PARPBP: variants seen among roughly 807,000 people sequenced by gnomAD.
PARPBP encodes PCNA-interacting partner.
Under a neutral mutation model 50.0 loss-of-function variants are expected in PARPBP, and 52 were observed. The observed-to-expected ratio is 1.04, with a 90% CI of 0.83 to 1.31. The LOEUF (loss-of-function observed/expected upper bound fraction) is 1.31, where lower values mean the gene tolerates loss of function less well. Among genes scored for constraint, PARPBP ranks in the 50% most tolerant of loss-of-function variants. The pLI is 0.00. For synonymous variants in PARPBP, 244 were observed against 232.1 expected, an observed-to-expected ratio of 1.05 and a Z score of -0.47; for missense variants, 697 against 672.0, an observed-to-expected ratio of 1.04 and a Z score of -0.41.
intron 2 of PARPBP, among the ~76,000 whole-genome samples, chr12:102,137,839 C>A (rs921360909): frequency 1.3e-5 from 2 of 152,090 alleles, no homozygotes; most frequent in Non-Finnish European, 2.9e-5. Context: ...TGAACTCATC[C>A]TTTTTTATGG....
At chr12:102,157,627 G>A (rs1295379874) in intron 4 of PARPBP, among the ~76,000 whole-genome samples, 1 of 151,838 alleles carries the variant, frequency 6.6e-6, no homozygotes, top group Non-Finnish European at 1.5e-5. Context: ...ATATCTTATT[G>A]GGAAACAAAC....
intron 4 of PARPBP, among the ~76,000 whole-genome samples, chr12:102,161,216 G>A (rs371968080): frequency 3.4e-4 from 52 of 151,800 alleles, no homozygotes; most frequent in African/African-American, 1.0e-3. Context: ...AGTGATTCTT[G>A]TGCCACAGCC....
At chr12:102,137,782 G>T (rs1883882587) in intron 2 of PARPBP, among the ~76,000 whole-genome samples, 1 of 151,782 alleles carries the variant, frequency 6.6e-6, no homozygotes, top group Non-Finnish European at 1.5e-5. Context: ...GAGATAGTTT[G>T]CTCGGAATGA....
Position 102,136,746 on chromosome 12 carries a change from A to G in PARPBP, c.154-11484A>G, listed in dbSNP as rs560859005. ...GTTTTATTTCAACTTTCCACATAAG[A>G]GTTAGCTTAGGCATCCTCAACTGTG... On this transcript the variant is annotated intron_variant, in intron 2 of 10. Transcript: ENST00000327680. Among the ~76,000 whole-genome samples the G allele has an allele frequency of 1.2e-4, 19 of 152,274 alleles. No homozygotes were observed. The South Asian group carries it at 2.7e-3, about 22-fold the overall frequency.
At chr12:102,151,095 A>C (rs150820882) in intron 3 of PARPBP, among the ~76,000 whole-genome samples, 18 of 140,476 alleles carry the variant, frequency 1.3e-4, no homozygotes, top group African/African-American at 5.0e-4. Flanking sequence ...TCCAGCAGCC[A>C]GAGAAGGATG....
intron 4 of PARPBP, among the ~76,000 whole-genome samples, chr12:102,155,596 G>A (rs372363492): frequency 1.0e-5 from 1 of 96,882 alleles, no homozygotes; most frequent in Non-Finnish European, 2.0e-5. Flanking sequence ...GAGCATGGTG[G>A]GGGGGGGGGG....
rs557256481 is a variant in PARPBP, at chr12:102,188,972, T to C, written c.1264-6340T>C. ...GGTAAGTGGACTTGAAGATGGAGCA[T>C]TAAAAAAATCTCCAAACTGGAGAGA... On this transcript the variant is annotated intron_variant, in intron 9 of 10. Coordinates refer to ENST00000327680, the MANE Select transcript of PARPBP (RefSeq NM_017915.5). Among the ~76,000 whole-genome samples the C allele has an allele frequency of 1.3e-4, 19 of 151,644 alleles. No individual in the cohort carries two copies. In the South Asian group the frequency reaches 1.5e-3, roughly 12 times the overall value.
intron 5 of PARPBP, 102 bp downstream of exon 5, chr12:102,164,710 T>G (rs1323295671): frequency 4.4e-6 from 4 of 904,884 alleles, no homozygotes; most frequent in East Asian, 4.9e-5. Flanking sequence ...AAGTGGTTAA[T>G]TTATGTTCTA....
intron 2 of PARPBP, among the ~76,000 whole-genome samples, chr12:102,132,426 G>A (rs924498991): frequency 6.6e-6 from 1 of 152,048 alleles, no homozygotes; most frequent in African/African-American, 2.4e-5. Context: ...TTCCCCATTA[G>A]GTGTTTTTTG....
chr12:102,180,939 C>T (rs1313497005), intron 8 of PARPBP, among the ~76,000 whole-genome samples: 1 of 152,092 alleles, frequency 6.6e-6, no homozygotes, highest in Non-Finnish European at 1.5e-5. Context: ...TTTATTCTTG[C>T]TTAGTAGTCA....
At chr12:102,165,667 TGAAGTAAA>T in intron 5 of PARPBP, 54 bp from the exon 6 acceptor site, 1 of 1,261,786 alleles carries the variant, frequency 7.9e-7, no homozygotes, top group Non-Finnish European at 1.1e-6. Context: ...CTTAGCTTTA[TGAAGTAAA>T]TTACAGTTTA....
At chr12:102,165,013 G>A (rs1177625940) in intron 5 of PARPBP, among the ~76,000 whole-genome samples, 1 of 152,144 alleles carries the variant, frequency 6.6e-6, no homozygotes, top group Non-Finnish European at 1.5e-5. Flanking sequence ...AAATCTGCTT[G>A]TAGCAAATTA....
At chr12:102,154,053 T>C (rs1886566054) in intron 4 of PARPBP, 77 bp downstream of exon 4, 1 of 856,078 alleles carries the variant, frequency 1.2e-6, no homozygotes, top group South Asian at 1.6e-5. Context: ...ACCTTAAAGT[T>C]ACTAATGCTT....
At chr12:102,154,066 T>TA in intron 4 of PARPBP, 90 bp downstream of exon 4, 2 of 748,798 alleles carry the variant, frequency 2.7e-6, no homozygotes, top group Non-Finnish European at 4.5e-6. Flanking sequence ...TAATGCTTTG[T>TA]AAAAATTTTT....
chr12:102,148,271 G>T lies in PARPBP; in HGVS notation c.195G>T (p.Leu65Phe), dbSNP rs762477349. 3.1e-6 allele frequency: 5 copies of T among 1,593,182 alleles called. No homozygotes were observed. Among genetic ancestry groups the T allele is most frequent in the Non-Finnish European group, 4.3e-6 (5 of 1,168,486 alleles). Residue 65 changes from leucine to phenylalanine, a missense_variant, in exon 3 of 11, where the codon TTG (leucine) becomes TTT (phenylalanine). Transcript: ENST00000327680. ...EFTVSLSDVL[L>F]TWKYLLHEKL... Reference sequence around the variant, plus strand: ...CAGTCTCTCTCAGTGATGTTTTATTGACATGGAAATACTTGCTCCATGAGA... The same window carrying T: ...CAGTCTCTCTCAGTGATGTTTTATTTACATGGAAATACTTGCTCCATGAGA...
chr12:102,165,922 T>C (rs751854325), intron 6 of PARPBP, 39 bp downstream of exon 6: 8 of 1,325,132 alleles, frequency 6.0e-6, no homozygotes, highest in Non-Finnish European at 8.5e-6. Context: ...GTTTTTAATC[T>C]ATCTTTAAAA....
At position 102,165,807 on chromosome 12, in the gene PARPBP, C is replaced by A; in HGVS notation, c.745C>A (p.His249Asn). Residue 249 changes from histidine to asparagine, a missense_variant, in exon 6 of 11, where the codon CAT (histidine) becomes AAT (asparagine). Transcript: ENST00000327680. ...APPPSDPLRT[H>N]VKGLSNFINF... ...ACCACCATCAGATCCTTTAAGGACACATGTAAAGGGATTGTCTAATTTTAT... is the reference window on the plus strand; with the variant it reads ...ACCACCATCAGATCCTTTAAGGACAAATGTAAAGGGATTGTCTAATTTTAT... 1 of 1,582,148 alleles carries A rather than the reference C, an allele frequency of 6.3e-7. No individual in the cohort carries two copies. The highest frequency in any genetic ancestry group is 8.7e-7 in the Non-Finnish European group (1 of 1,151,528).
At position 102,178,602 on chromosome 12, in the gene PARPBP, A is replaced by C. The variant is rs1412675702; in HGVS notation, c.1016A>C (p.His339Pro). ...TDISPARPKS[H>P]AINHGTAYCG... is the part of the protein sequence containing the mutation. ...TATTTTTTGTCTCAGCCAAAATCTCATGCCATAAACCATGGTACTGCATAC... is the reference window on the plus strand; with the variant it reads ...TATTTTTTGTCTCAGCCAAAATCTCCTGCCATAAACCATGGTACTGCATAC... Residue 339 changes from histidine (H) to proline (P), a missense_variant, in exon 8 of 11, where the codon CAT becomes CCT. Coordinates refer to ENST00000327680, the MANE Select transcript of PARPBP (RefSeq NM_017915.5). 1 of 1,572,668 alleles carries C rather than the reference A, an allele frequency of 6.4e-7. No homozygotes were observed. Among genetic ancestry groups the C allele is most frequent in the Non-Finnish European group, 8.6e-7 (1 of 1,160,322 alleles).
At chr12:102,134,935 C>T (rs535958745) in intron 2 of PARPBP, among the ~76,000 whole-genome samples, 117 of 152,302 alleles carry the variant, frequency 7.7e-4, no homozygotes, top group African/African-American at 2.6e-3. Context: ...GCCTCGGTCT[C>T]CCAAAGTGCT....
Sources: allele counts gnomAD v4.1 joint callset (sites outside exome capture counted in the v4.1 genomes callset), GRCh38; gene constraint gnomAD v4.1.1; transcripts MANE v1.5; gene names NCBI Gene and HGNC (gene_info 2026-07-23, HGNC 2026-07-21).